The following RNGTT variants were observed in gnomAD, a reference collection of about 807,000 sequenced individuals.
The protein encoded by RNGTT is RNA guanylyltransferase and 5'-phosphatase.
RNGTT carries 33 observed loss-of-function variants against 79.3 expected under a neutral mutation model. That is an observed-to-expected ratio of 0.42 (90% CI 0.32 to 0.56). The LOEUF is 0.56. Among genes scored for constraint, RNGTT ranks in the 20% least tolerant of loss-of-function variants. RNGTT has a pLI of 0.17. For missense variants in RNGTT, 497 were observed against 739.1 expected, an observed-to-expected ratio of 0.67 and a Z score of 3.80; for synonymous variants, 222 against 235.9, an observed-to-expected ratio of 0.94 and a Z score of 0.54.
intron 13 of RNGTT, among the ~76,000 whole-genome samples, chr6:88,719,049 G>C (rs1381109712): frequency 6.6e-6 from 1 of 152,118 alleles, no homozygotes; most frequent in East Asian, 1.9e-4. Context: ...AAGTTATTTG[G>C]ATAAGAAAAT....
rs1038844928 is a variant in RNGTT, at chr6:88,963,369, G to A, written c.41C>T (p.Pro14Leu). 6 of 1,611,106 alleles carry A rather than the reference G, an allele frequency of 3.7e-6. No homozygotes were observed. Among genetic ancestry groups the A allele is most frequent in the Non-Finnish European group, 5.1e-6 (6 of 1,178,736 alleles). Residue 14 changes from proline to leucine, a missense_variant, in exon 1 of 16, where the codon CCC becomes CTC. Physicochemically the swap from Pro to Leu is moderately conservative, Grantham distance 98. Transcript: ENST00000369485. ...NKIPPRWLNC[P>L]RRGQPVAGRF... Reference sequence around the variant, plus strand: ...ACCTGCCACCGGCTGGCCGCGCCGGGGACAGTTCAGCCACCGCGGCGGGAT... The same window carrying A: ...ACCTGCCACCGGCTGGCCGCGCCGGAGACAGTTCAGCCACCGCGGCGGGAT...
At chr6:88,705,975 A>G (rs1449346698) in intron 13 of RNGTT, among the ~76,000 whole-genome samples, 1 of 152,064 alleles carries the variant, frequency 6.6e-6, no homozygotes, top group Non-Finnish European at 1.5e-5. Context: ...GGCAGTAGGA[A>G]GAATGGAGAG....
At chr6:88,894,603 G>A (rs1194913477) in intron 6 of RNGTT, among the ~76,000 whole-genome samples, 2 of 152,122 alleles carry the variant, frequency 1.3e-5, no homozygotes, top group Admixed American at 1.3e-4. Context: ...TGTACACACA[G>A]ACCAGTACAG....
intron 14 of RNGTT, among the ~76,000 whole-genome samples, chr6:88,644,094 C>T (rs9451046): frequency 0.27 from 40,510 of 151,900 alleles, 9,467 homozygotes; most frequent in African/African-American, 0.63. Context: ...ACAAAATTGA[C>T]AGACCACTAG....
At chr6:88,941,308 C>G in intron 1 of RNGTT, 128 bp from the exon 2 acceptor site, 1 of 626,230 alleles carries the variant, frequency 1.6e-6, no homozygotes, top group Non-Finnish European at 2.8e-6. Flanking sequence ...CGCTCTGTCC[C>G]CCAGGATAGA....
At chr6:88,687,467 T>C (rs1025519034) in intron 13 of RNGTT, among the ~76,000 whole-genome samples, 1 of 152,188 alleles carries the variant, frequency 6.6e-6, no homozygotes, top group African/African-American at 2.4e-5. Flanking sequence ...AAAATACATA[T>C]ACACAAGGCT....
intron 6 of RNGTT, among the ~76,000 whole-genome samples, chr6:88,896,959 T>C (rs1006188385): frequency 1.3e-5 from 2 of 152,168 alleles, no homozygotes; most frequent in Non-Finnish European, 2.9e-5. Flanking sequence ...TCCATGGCAC[T>C]ACCACAATCA....
chr6:88,678,941 A>C (rs1774985072), intron 13 of RNGTT, among the ~76,000 whole-genome samples: 1 of 152,172 alleles, frequency 6.6e-6, no homozygotes. Context: ...GTTTTTCAAT[A>C]AAAGTTACAC....
chr6:88,656,581 G>A (rs1055068744), intron 14 of RNGTT, among the ~76,000 whole-genome samples: 2 of 151,980 alleles, frequency 1.3e-5, no homozygotes, highest in Admixed American at 6.6e-5. Context: ...CTCCAGTGGG[G>A]TTCATGAAAC....
Position 88,659,337 on chromosome 6 carries a change from T to C in RNGTT, c.1506+19016A>G, listed in dbSNP as rs190051699. Among the ~76,000 whole-genome samples, 290 of 152,356 alleles carry C rather than the reference T, an allele frequency of 1.9e-3. 4 individuals carry two copies. The highest frequency in any genetic ancestry group is 6.8e-3 in the African/African-American group (284 of 41,584). On this transcript the variant is annotated intron_variant, in intron 14 of 15. Transcript: ENST00000369485. Reference sequence around the variant, plus strand: ...GATAAAGAATTTAGAAGGTTGATTATTAAGCTACTCAAGGAGGTACCAGAG... The same window carrying C: ...GATAAAGAATTTAGAAGGTTGATTACTAAGCTACTCAAGGAGGTACCAGAG...
chr6:88,727,153 C>T (rs540281346), intron 13 of RNGTT, among the ~76,000 whole-genome samples: 3 of 151,988 alleles, frequency 2.0e-5, no homozygotes, highest in Admixed American at 6.6e-5. Context: ...AGTTATAAAA[C>T]GGAATTTATG....
chr6:88,672,196 T>C (rs928453287), intron 14 of RNGTT, among the ~76,000 whole-genome samples: 3 of 109,788 alleles, frequency 2.7e-5, no homozygotes, highest in Non-Finnish European at 5.5e-5. Flanking sequence ...GGAGAAAATG[T>C]ATATACATAT....
intron 8 of RNGTT, among the ~76,000 whole-genome samples, chr6:88,875,392 A>G (rs1192108312): frequency 6.6e-6 from 1 of 152,070 alleles, no homozygotes; most frequent in Non-Finnish European, 1.5e-5. Context: ...AGAACTTTTT[A>G]ATTTCTTTTT....
chr6:88,641,213 C>A (rs1157756920), intron 14 of RNGTT, among the ~76,000 whole-genome samples: 1 of 152,016 alleles, frequency 6.6e-6, no homozygotes, highest in Non-Finnish European at 1.5e-5. Flanking sequence ...GTGGCGGGCG[C>A]CTGTAATCCC....
intron 12 of RNGTT, among the ~76,000 whole-genome samples, chr6:88,787,483 A>AC (rs1258828898): frequency 1.3e-5 from 2 of 152,140 alleles, no homozygotes; most frequent in African/African-American, 4.8e-5. Flanking sequence ...ACATGGTGAA[A>AC]CCCCGTCTCT....
Position 88,897,235 on chromosome 6 carries a change from T to C in RNGTT, c.685-5320A>G, listed in dbSNP as rs113618371. On this transcript the variant is annotated intron_variant, in intron 6 of 15. Coordinates refer to ENST00000369485, the MANE Select transcript of RNGTT (RefSeq NM_003800.5). ...AGCCTCAGTGCCCCTTACCCTCTTG[T>C]TCTTCATCACACCCAAACTGAATTT... 6.7e-3 allele frequency among the ~76,000 whole-genome samples: 1,025 copies of C among 152,308 alleles called. 6 individuals carry two copies. Among genetic ancestry groups the C allele is most frequent in the African/African-American group, 0.022 (916 of 41,566 alleles).
At chr6:88,837,377 C>T (rs982878926) in intron 11 of RNGTT, among the ~76,000 whole-genome samples, 2 of 151,902 alleles carry the variant, frequency 1.3e-5, no homozygotes, top group East Asian at 1.9e-4. Context: ...AGCCTGGGTA[C>T]CAGAGCAAGG....
At chr6:88,805,967 T>C (rs1779939959) in intron 11 of RNGTT, among the ~76,000 whole-genome samples, 1 of 152,110 alleles carries the variant, frequency 6.6e-6, no homozygotes, top group Admixed American at 6.5e-5. Flanking sequence ...GAAGATGTAA[T>C]TATATAGCAA....
intron 1 of RNGTT, among the ~76,000 whole-genome samples, chr6:88,959,807 A>T (rs891206370): frequency 3.3e-4 from 50 of 152,170 alleles, no homozygotes; most frequent in Non-Finnish European, 1.2e-4. Context: ...AAATATTAGG[A>T]TACCTTATCA....
Sources: allele counts gnomAD v4.1 joint callset (sites outside exome capture counted in the v4.1 genomes callset), GRCh38; gene constraint gnomAD v4.1.1; transcripts MANE v1.5; gene names NCBI Gene and HGNC (gene_info 2026-07-23, HGNC 2026-07-21).